Variants in MARCHF8 observed in about 807,000 individuals in gnomAD.
MARCHF8 encodes the protein membrane associated ring-CH-type finger 8, also known as E3 ubiquitin-protein ligase MARCHF8.
Under a neutral mutation model 51.6 loss-of-function variants are expected in MARCHF8, and 40 were observed. That is an observed-to-expected ratio of 0.77 (90% CI 0.60 to 1.01). The LOEUF (loss-of-function observed/expected upper bound fraction) is 1.01, where lower values mean the gene tolerates loss of function less well. MARCHF8 is among the 50% of genes least tolerant of loss of function. The probability of loss-of-function intolerance (pLI) is 0.00; values close to 1 mark genes in which losing one functional copy is unlikely to be tolerated. For missense variants in MARCHF8, 685 were observed against 708.6 expected (o/e 0.97, Z 0.38); for synonymous variants, 263 against 280.3 (o/e 0.94, Z 0.62).
chr10:45,569,064 C>CAAAAAA (rs71023131), intron 1 of MARCHF8, among the ~76,000 whole-genome samples: 1 of 64,392 alleles, frequency 1.6e-5, no homozygotes, highest in Non-Finnish European at 3.0e-5. Context: ...GACTCCATCT[C>CAAAAAA]AAAAAAAAAA....
chr10:45,485,630 C>T (rs1388039648), intron 3 of MARCHF8, among the ~76,000 whole-genome samples: 2 of 152,134 alleles, frequency 1.3e-5, no homozygotes, highest in Non-Finnish European at 2.9e-5. Context: ...TTCCAATACA[C>T]ACTGAGACAC....
intron 3 of MARCHF8, 42 bp from the exon 4 acceptor site, chr10:45,464,369 AG>A (rs759631363): frequency 6.4e-7 from 1 of 1,558,592 alleles, no homozygotes; most frequent in Non-Finnish European, 8.9e-7. Context: ...GTAAGAGCCA[AG>A]GGGATTGTGT....
At chr10:45,478,506 T>C (rs772442219) in intron 3 of MARCHF8, among the ~76,000 whole-genome samples, 1 of 126,692 alleles carries the variant, frequency 7.9e-6, no homozygotes, top group Non-Finnish European at 1.7e-5. Flanking sequence ...AAAAACCAAA[T>C]CCAAAATTAG....
chr10:45,560,355 CT>C (rs948420439), intron 1 of MARCHF8, among the ~76,000 whole-genome samples: 16 of 152,194 alleles, frequency 1.1e-4, no homozygotes, highest in African/African-American at 3.6e-4. Context: ...TGCCTGAAAG[CT>C]TAGGTTAGAT....
At chr10:45,573,813 G>A (rs931538164) in intron 1 of MARCHF8, among the ~76,000 whole-genome samples, 2 of 152,118 alleles carry the variant, frequency 1.3e-5, no homozygotes, top group African/African-American at 2.4e-5. Context: ...TTCTTTTCAA[G>A]GGCCTGTTTC....
At chr10:45,486,771 C>T (rs72796498) in intron 3 of MARCHF8, among the ~76,000 whole-genome samples, 34,575 of 149,206 alleles carry the variant, frequency 0.23, 4,242 homozygotes, top group Admixed American at 0.3. Flanking sequence ...TCCCAAGACT[C>T]GGAACAACCC....
chr10:45,540,701 T>A (rs1366179220), intron 1 of MARCHF8, among the ~76,000 whole-genome samples: 3 of 151,966 alleles, frequency 2.0e-5, no homozygotes, highest in Non-Finnish European at 4.4e-5. Flanking sequence ...GAATCTACAA[T>A]GAACTCAAAC....
rs1490570951 is a variant in MARCHF8 at position 45,456,696 on chromosome 10, C to G, written c.*1543G>C. On this transcript the variant is annotated 3_prime_UTR_variant, in exon 8 of 8. Coordinates refer to ENST00000453424, the MANE Select transcript of MARCHF8 (RefSeq NM_001282866.2). The stretch of plus-strand genomic sequence containing the variant: ...AGAGAATGGCCTGGAAAGGAAGCAT[C>G]TGCGCTACATTGTGCTTCAGGCCCC... The G allele has an allele frequency of 1.3e-5, 2 of 152,234 alleles. No individual in the cohort carries two copies. Among genetic ancestry groups the G allele is most frequent in the African/African-American group, 4.8e-5 (2 of 41,452 alleles). 9.4% of individuals were successfully genotyped at this position (152,234 alleles called of 1,614,324 possible). A position where few individuals can be genotyped will look rare whatever the true frequency, so the allele number is the denominator to read the frequency against.
chr10:45,463,947 C>A lies in MARCHF8; in HGVS notation c.292G>T (p.Ala98Ser). ...CAGTGAGGAGCTTTCGAGACAACAG[C>A]AGACTGCACGGAACTGTGGTGACAA... ...ECCHHSSVQS[A>S]VVSKAPHCQS... The change falls in exon 5 of 8, where the codon GCT becomes TCT. Residue 98 changes from alanine (A) to serine (S), a missense_variant. Transcript: ENST00000453424. 6.5e-7 allele frequency: 1 copy of A among 1,536,174 alleles called. No homozygotes were observed. Among genetic ancestry groups the A allele is most frequent in the Non-Finnish European group, 8.7e-7 (1 of 1,146,924 alleles).
chr10:45,553,073 T>TA (rs2044213098), intron 1 of MARCHF8: 1 of 151,994 alleles, frequency 6.6e-6, no homozygotes, highest in Non-Finnish European at 1.5e-5. Flanking sequence ...AAAACAACAC[T>TA]AAAATACCAG....
chr10:45,542,572 C>G (rs2044068774), intron 1 of MARCHF8, among the ~76,000 whole-genome samples: 1 of 152,114 alleles, frequency 6.6e-6, no homozygotes, highest in Non-Finnish European at 1.5e-5. Context: ...TAGCAGACTA[C>G]TTTCCTAAAA....
chr10:45,515,750 G>A (rs1220645070), intron 2 of MARCHF8, among the ~76,000 whole-genome samples: 1 of 152,170 alleles, frequency 6.6e-6, no homozygotes, highest in African/African-American at 2.4e-5. Context: ...GTGTGTGTGT[G>A]ATGCCGTGTT....
At chr10:45,492,802 A>G (rs1339994205) in intron 2 of MARCHF8, among the ~76,000 whole-genome samples, 2 of 152,242 alleles carry the variant, frequency 1.3e-5, no homozygotes, top group Non-Finnish European at 2.9e-5. Context: ...CCATATGCCA[A>G]TGATAATATT....
At position 45,463,375 on chromosome 10, in the gene MARCHF8, G is replaced by A; in HGVS notation, c.864C>T (p.His288=). 1 of 1,550,768 alleles carries A rather than the reference G, an allele frequency of 6.4e-7. No homozygotes were observed. The highest frequency in any genetic ancestry group is 8.7e-7 in the Non-Finnish European group (1 of 1,147,026). ...CCAGCCCGCTGGAGGACTTGGCAGT[G>A]TGCAGGCGAGCAGCGCAGCTCTCCA... ...HELESCAARL[H]TAKSSSGLAG... is the part of the protein sequence containing the mutation. The change falls in exon 5 of 8, where the codon CAC becomes CAT. Residue 288 remains histidine (H), a synonymous_variant. Coordinates refer to ENST00000453424, the MANE Select transcript of MARCHF8 (RefSeq NM_001282866.2).
chr10:45,534,548 C>G (rs2043944201), intron 1 of MARCHF8, among the ~76,000 whole-genome samples: 1 of 152,122 alleles, frequency 6.6e-6, no homozygotes, highest in Non-Finnish European at 1.5e-5. Context: ...ACTCTGTATA[C>G]AAAACCAATT....
chr10:45,535,821 G>C (rs141194534), upstream of MARCHF8, among the ~76,000 whole-genome samples: 15 of 152,266 alleles, frequency 9.9e-5, no homozygotes, highest in Admixed American at 9.2e-4. Flanking sequence ...CCAGGCATGA[G>C]GGCTTCAATT....
At chr10:45,571,783 A>C (rs2133392801) in intron 1 of MARCHF8, among the ~76,000 whole-genome samples, 1 of 152,028 alleles carries the variant, frequency 6.6e-6, no homozygotes, top group South Asian at 2.1e-4. Context: ...TTCTCCTTTC[A>C]ATCTTCGCGC....
At chr10:45,500,061 AAC>A (rs2043250960) in intron 2 of MARCHF8, among the ~76,000 whole-genome samples, 1 of 151,674 alleles carries the variant, frequency 6.6e-6, no homozygotes, top group Non-Finnish European at 1.5e-5. Context: ...TTTTCCAATA[AAC>A]ACAGGATGTC....
At chr10:45,475,611 C>T (rs2042773640) in intron 3 of MARCHF8, among the ~76,000 whole-genome samples, 1 of 152,144 alleles carries the variant, frequency 6.6e-6, no homozygotes, top group Non-Finnish European at 1.5e-5. Flanking sequence ...CAGCCCATCA[C>T]AGCCGCAAAC....
Sources: allele counts gnomAD v4.1 joint callset (sites outside exome capture counted in the v4.1 genomes callset), GRCh38; gene constraint gnomAD v4.1.1; transcripts MANE v1.5; gene names NCBI Gene and HGNC (gene_info 2026-07-23, HGNC 2026-07-21).